Variants in CTNNA3 observed in about 807,000 individuals in gnomAD.
CTNNA3 encodes catenin alpha 3, also known as catenin alpha-3.
In CTNNA3, 76 loss-of-function variants were observed where a neutral mutation model predicts 95.7. That is an observed-to-expected ratio of 0.79 (90% CI 0.66 to 0.96). The LOEUF (loss-of-function observed/expected upper bound fraction) is 0.96, where lower values mean the gene tolerates loss of function less well. Ranked by LOEUF, CTNNA3 falls within the 40% of genes least tolerant of loss-of-function variation. The pLI, the probability that CTNNA3 is intolerant of heterozygous loss-of-function variation, is 0.00. For missense variants in CTNNA3, 1,191 were observed against 1,089.8 expected, an observed-to-expected ratio of 1.09 and a Z score of -1.31; for synonymous variants, 431 against 374.4, an observed-to-expected ratio of 1.15 and a Z score of -1.74.
chr10:67,680,596 T>C (rs1840608519), intron 1 of CTNNA3, among the ~76,000 whole-genome samples: 1 of 152,224 alleles, frequency 6.6e-6, no homozygotes, highest in Non-Finnish European at 1.5e-5. Flanking sequence ...CTGGCTCTCA[T>C]GGAGAATCTA....
chr10:66,014,877 G>C (rs2133403240), intron 15 of CTNNA3, among the ~76,000 whole-genome samples: 1 of 152,218 alleles, frequency 6.6e-6, no homozygotes, highest in South Asian at 2.1e-4. Context: ...GGCTGAGGCG[G>C]GTGGATCACG....
At chr10:67,759,101 C>A (rs1841449337) in intron 1 of CTNNA3, among the ~76,000 whole-genome samples, 1 of 152,176 alleles carries the variant, frequency 6.6e-6, no homozygotes, top group Non-Finnish European at 1.5e-5. Context: ...ATCCAACCCA[C>A]AATTAATTGC....
chr10:66,257,483 G>A (rs568162125), intron 13 of CTNNA3, among the ~76,000 whole-genome samples: 8 of 152,170 alleles, frequency 5.3e-5, no homozygotes, highest in Non-Finnish European at 7.4e-5. Flanking sequence ...AATTTACAAC[G>A]AAGCCCTCAC....
chr10:66,105,724 G>C (rs1212506168), intron 13 of CTNNA3, among the ~76,000 whole-genome samples: 1 of 152,180 alleles, frequency 6.6e-6, no homozygotes, highest in East Asian at 1.9e-4. Flanking sequence ...TACAAAAACT[G>C]ACCTCTTCTT....
Position 66,109,147 on chromosome 10 carries a change from C to T in CTNNA3, c.1885-5898G>A, listed in dbSNP as rs149394846. On this transcript the variant is annotated intron_variant, in intron 13 of 17. Transcript: ENST00000433211. ...AACAGTGTTTCAAATCTTACCATAG[C>T]CCCGTGCCACAAACTTGTCATGGAA... is the stretch of plus-strand genomic sequence containing the variant. Among the ~76,000 whole-genome samples the T allele has an allele frequency of 3.1e-3, 479 of 152,252 alleles. 8 individuals are homozygous for T. The highest frequency in any genetic ancestry group is 0.029 in the East Asian group (150 of 5,168).
In CTNNA3 at chr10:66,818,634, T is replaced by G. The variant is rs116037580; in HGVS notation, c.1048-43110A>C. 2.3e-3 allele frequency among the ~76,000 whole-genome samples: 354 copies of G among 152,260 alleles called. 1 individual carries two copies. Among genetic ancestry groups the G allele is most frequent in the African/African-American group, 8.2e-3 (340 of 41,554 alleles). Reference sequence around the variant, plus strand: ...ATAAATGGAAAGACATTCTGGGGAATGGATTGGAAGAATTAATATTCTCAT... The same window carrying G: ...ATAAATGGAAAGACATTCTGGGGAAGGGATTGGAAGAATTAATATTCTCAT... On this transcript the variant is annotated intron_variant, in intron 7 of 17. Transcript: ENST00000433211.
intron 17 of CTNNA3, among the ~76,000 whole-genome samples, chr10:65,920,834 T>A (rs990899077): frequency 1.3e-5 from 2 of 152,020 alleles, no homozygotes; most frequent in East Asian, 1.9e-4. Context: ...AAAAAATAAA[T>A]AAATAATAAA....
chr10:66,280,574 T>G lies in CTNNA3; in HGVS notation c.1780A>C (p.Ser594Arg). The part of the protein sequence containing the change: ...TQVNVALEAL[S>R]KSSLNVLDDN... The stretch of plus-strand genomic sequence containing the variant: ...TCCAACACATTCAATGAGCTTTTGC[T>G]TAAGGCTTCCAAGGCAACATTCACT... The change falls in exon 13 of 18, where the codon AGC (serine) becomes CGC (arginine). Residue 594 changes from serine to arginine, a missense_variant. Transcript: ENST00000433211. 7.5e-6 allele frequency: 12 copies of G among 1,609,336 alleles called. No homozygotes were observed. Among genetic ancestry groups the G allele is most frequent in the Non-Finnish European group, 1.0e-5 (12 of 1,177,870 alleles).
At chr10:66,181,104 G>A (rs2086016721) in intron 13 of CTNNA3, among the ~76,000 whole-genome samples, 1 of 151,900 alleles carries the variant, frequency 6.6e-6, no homozygotes, top group Non-Finnish European at 1.5e-5. Context: ...AACACTATGA[G>A]TACAAAAGCA....
At chr10:66,681,801 G>T (rs1044844488) in intron 9 of CTNNA3, among the ~76,000 whole-genome samples, 1 of 152,064 alleles carries the variant, frequency 6.6e-6, no homozygotes, top group East Asian at 1.9e-4. Flanking sequence ...ACCTAAAACT[G>T]ATTTTTTCTT....
At chr10:66,382,174 T>C (rs1295210320) in intron 11 of CTNNA3, among the ~76,000 whole-genome samples, 5 of 152,140 alleles carry the variant, frequency 3.3e-5, no homozygotes, top group Admixed American at 2.6e-4. Context: ...TTCCCTTTCC[T>C]AGCCAAGGGA....
chr10:67,233,262 T>TA (rs1260167344), intron 5 of CTNNA3, among the ~76,000 whole-genome samples: 2 of 151,914 alleles, frequency 1.3e-5, no homozygotes, highest in African/African-American at 4.8e-5. Flanking sequence ...TACTTGGAAG[T>TA]AAAGCTCTCC....
intron 7 of CTNNA3, among the ~76,000 whole-genome samples, chr10:67,167,638 C>G (rs1262745267): frequency 6.6e-6 from 1 of 152,128 alleles, no homozygotes; most frequent in Non-Finnish European, 1.5e-5. Context: ...ATTGTTGTAG[C>G]TATCATTAGA....
intron 1 of CTNNA3, among the ~76,000 whole-genome samples, chr10:67,711,210 T>C (rs1158772134): frequency 1.3e-5 from 2 of 152,146 alleles, no homozygotes; most frequent in Non-Finnish European, 2.9e-5. Flanking sequence ...AGTGGACTAA[T>C]AAAGTAAATT....
intron 13 of CTNNA3, among the ~76,000 whole-genome samples, chr10:66,251,376 C>T (rs779356476): frequency 6.6e-5 from 10 of 151,804 alleles, no homozygotes; most frequent in African/African-American, 1.9e-4. Context: ...TTTTCTTAGA[C>T]GTTTGGTGAT....
At chr10:67,723,702 C>T in intron 1 of CTNNA3, among the ~76,000 whole-genome samples, 1 of 152,148 alleles carries the variant, frequency 6.6e-6, no homozygotes, top group South Asian at 2.1e-4. Context: ...ATAAAGTATC[C>T]TCTGTATCAG....
At chr10:67,438,588 G>A (rs1352809102) in intron 5 of CTNNA3, among the ~76,000 whole-genome samples, 1 of 152,150 alleles carries the variant, frequency 6.6e-6, no homozygotes, top group East Asian at 1.9e-4. Flanking sequence ...CAAAAAATCA[G>A]GTAAGCAATC....
At chr10:67,425,434 G>T (rs964552396) in intron 5 of CTNNA3, among the ~76,000 whole-genome samples, 1 of 151,754 alleles carries the variant, frequency 6.6e-6, no homozygotes, top group African/African-American at 2.4e-5. Context: ...TGATCAGGCA[G>T]AAAATAGGAA....
At chr10:66,292,369 T>C (rs2091697304) in intron 12 of CTNNA3, among the ~76,000 whole-genome samples, 1 of 152,162 alleles carries the variant, frequency 6.6e-6, no homozygotes, top group South Asian at 2.1e-4. Flanking sequence ...ACTCACCCAG[T>C]TTTACAAGTA....
Sources: allele counts gnomAD v4.1 joint callset (sites outside exome capture counted in the v4.1 genomes callset), GRCh38; gene constraint gnomAD v4.1.1; transcripts MANE v1.5; gene names NCBI Gene and HGNC (gene_info 2026-07-23, HGNC 2026-07-21).